Variants in TRPM6 observed in about 807,000 individuals in gnomAD.
TRPM6 encodes transient receptor potential cation channel subfamily M member 6.
Under a neutral mutation model 247.6 loss-of-function variants are expected in TRPM6, and 111 were observed. That is an observed-to-expected ratio of 0.45 (90% confidence interval 0.38 to 0.52). The LOEUF is 0.52. Ranked by LOEUF, TRPM6 falls within the 20% of genes least tolerant of loss-of-function variation. The pLI, the probability that TRPM6 is intolerant of heterozygous loss-of-function variation, is 0.00. For synonymous variants in TRPM6, 892 were observed against 853.8 expected, an observed-to-expected ratio of 1.04 and a Z score of -0.78; for missense variants, 2,126 against 2,421.5, an observed-to-expected ratio of 0.88 and a Z score of 2.56.
intron 1 of TRPM6, among the ~76,000 whole-genome samples, chr9:74,859,898 C>T (rs1434621147): frequency 6.6e-6 from 1 of 152,162 alleles, no homozygotes; most frequent in African/African-American, 2.4e-5. Flanking sequence ...CAGTCCCCAC[C>T]TCACTCATAT....
rs765480956 is a variant in TRPM6, at chr9:74,816,979, A to G, written c.1135-15T>C. ...AATATGGTAATCTACAACAGTGAAA[A>G]ACAGAGAGCCATACATTTGGGGAAC... On this transcript the variant is annotated splice_polypyrimidine_tract_variant and intron_variant, in intron 9 of 38. Transcript: ENST00000360774. The G allele has an allele frequency of 3.1e-6, 5 of 1,610,460 alleles. No homozygotes were observed. The South Asian group carries it at 4.4e-5, about 14-fold the overall frequency.
chr9:74,885,229 A>T lies in TRPM6; in HGVS notation c.33+2595T>A, dbSNP rs754154622. On this transcript the variant is annotated intron_variant, in intron 1 of 38. Coordinates refer to ENST00000360774, the MANE Select transcript of TRPM6 (RefSeq NM_017662.5). ...CTAAATATTGACCTAACCAAAAATT[A>T]TGAGATAACTATATTCAGAGGATCT... Among the ~76,000 whole-genome samples the T allele has an allele frequency of 7.2e-5, 11 of 152,360 alleles. No individual in the cohort carries two copies. In the South Asian group the frequency reaches 1.5e-3, roughly 20 times the overall value.
At chr9:74,887,301 C>A in intron 1 of TRPM6, 4 of 1,370,844 alleles carry the variant, frequency 2.9e-6, no homozygotes, top group Non-Finnish European at 3.8e-6. Context: ...CGCGCAGGGG[C>A]GCGGAGGGAC....
In TRPM6 at chr9:74,884,350, G is replaced by A. The variant is rs534620331; in HGVS notation, c.33+3474C>T. ...TAAAAATACAAAAAATGAGCCGGGC[G>A]TGGTGGCGGGTGCCTGTAGTCCCAG... On this transcript the variant is annotated intron_variant, in intron 1 of 38. Transcript: ENST00000360774. 7.6e-4 allele frequency among the ~76,000 whole-genome samples: 115 copies of A among 151,074 alleles called. 1 individual carries two copies. Among genetic ancestry groups the A allele is most frequent in the African/African-American group, 1.8e-3 (75 of 41,120 alleles).
intron 36 of TRPM6, among the ~76,000 whole-genome samples, chr9:74,735,390 C>T (rs966596928): frequency 6.6e-6 from 1 of 152,104 alleles, no homozygotes; most frequent in Non-Finnish European, 1.5e-5. Flanking sequence ...TCAAGATTGA[C>T]ATTCTGATCC....
Position 74,772,364 on chromosome 9 carries a change from T to C in TRPM6, c.3404-529A>G, listed in dbSNP as rs956484476. ...TGAAAATGACTCATATATAGAATTC[T>C]TTCTCTTCAATATTTTCACAGGTTA... On this transcript the variant is annotated intron_variant, in intron 24 of 38. Coordinates refer to ENST00000360774, the MANE Select transcript of TRPM6 (RefSeq NM_017662.5). Among the ~76,000 whole-genome samples the C allele has an allele frequency of 2.0e-5, 3 of 152,252 alleles. No homozygotes were observed. In the East Asian group the frequency reaches 5.8e-4, roughly 29 times the overall value.
At chr9:74,801,777 TCCATA>T in intron 16 of TRPM6, 116 bp downstream of exon 16, 1 of 1,222,986 alleles carries the variant, frequency 8.2e-7, no homozygotes, top group South Asian at 1.2e-5. Flanking sequence ...AACAGGAGAG[TCCATA>T]AAATGCATGG....
chr9:74,763,189 G>T, intron 25 of TRPM6, 55 bp from the exon 26 acceptor site: 2 of 1,547,130 alleles, frequency 1.3e-6, no homozygotes, highest in Non-Finnish European at 1.8e-6. Flanking sequence ...GTGGGAATTT[G>T]CTCTCTTCCT....
intron 30 of TRPM6, among the ~76,000 whole-genome samples, 183 bp downstream of exon 30, chr9:74,750,481 G>C (rs994642346): frequency 2.0e-5 from 3 of 152,176 alleles, no homozygotes; most frequent in Non-Finnish European, 4.4e-5. Flanking sequence ...GTGAGATCTT[G>C]TTGCCAGAAA....
chr9:74,765,518 G>GT (rs1395163763), intron 25 of TRPM6, among the ~76,000 whole-genome samples: 2 of 152,066 alleles, frequency 1.3e-5, no homozygotes, highest in Admixed American at 6.6e-5. Context: ...AGGAGGTATA[G>GT]TTTCAGTTTC....
At position 74,796,735 on chromosome 9, in the gene TRPM6, A is replaced by C; in HGVS notation, c.2391+6T>G. On this transcript the variant is annotated splice_donor_region_variant and intron_variant, in intron 18 of 38. Coordinates refer to ENST00000360774, the MANE Select transcript of TRPM6 (RefSeq NM_017662.5). ...AAAATTCAGTTCATTATGATTTTGC[A>C]CTAACCACAGAAGCACTTTCTTTGG... 3.1e-6 allele frequency: 5 copies of C among 1,613,960 alleles called. No individual in the cohort carries two copies. The highest frequency in any genetic ancestry group is 4.2e-6 in the Non-Finnish European group (5 of 1,179,840).
chr9:74,862,790 T>A (rs1830729240), intron 1 of TRPM6, among the ~76,000 whole-genome samples: 1 of 152,074 alleles, frequency 6.6e-6, no homozygotes, highest in Admixed American at 6.5e-5. Flanking sequence ...GAGACCAGCC[T>A]GGACAACATG....
chr9:74,785,592 G>C (rs150838214), intron 21 of TRPM6, among the ~76,000 whole-genome samples: 1 of 151,910 alleles, frequency 6.6e-6, no homozygotes, highest in Non-Finnish European at 1.5e-5. Flanking sequence ...GCGCAATCTC[G>C]GCTCACTGCA....
intron 24 of TRPM6, among the ~76,000 whole-genome samples, chr9:74,772,993 G>A (rs1198965000): frequency 1.3e-5 from 2 of 152,114 alleles, no homozygotes; most frequent in Non-Finnish European, 2.9e-5. Context: ...TGGGTGTGGT[G>A]GTCCATGCCT....
At chr9:74,766,421 T>C (rs1372115687) in intron 25 of TRPM6, among the ~76,000 whole-genome samples, 3 of 152,222 alleles carry the variant, frequency 2.0e-5, no homozygotes. Flanking sequence ...ATGGTAATTG[T>C]TTTATTATGG....
intron 5 of TRPM6, 50 bp from the exon 6 acceptor site, chr9:74,834,172 A>C (rs1829639874): frequency 6.2e-7 from 1 of 1,611,302 alleles, no homozygotes; most frequent in African/African-American, 1.3e-5. Flanking sequence ...AATCGTGCAA[A>C]ACAAAGAGAC....
At chr9:74,773,205 A>G (rs1301774466) in intron 24 of TRPM6, among the ~76,000 whole-genome samples, 2 of 152,240 alleles carry the variant, frequency 1.3e-5, no homozygotes, top group African/African-American at 2.4e-5. Context: ...ATCAAAGTGT[A>G]TATTTGTGCT....
intron 20 of TRPM6, among the ~76,000 whole-genome samples, chr9:74,787,486 A>G (rs1827734118): frequency 6.6e-6 from 1 of 152,244 alleles, no homozygotes; most frequent in Non-Finnish European, 1.5e-5. Context: ...AATTCAGATA[A>G]CTATCTGTTT....
At chr9:74,823,912 TTG>T (rs141090980) in intron 7 of TRPM6, among the ~76,000 whole-genome samples, 5,645 of 151,068 alleles carry the variant, frequency 0.037, 347 homozygotes, top group African/African-American at 0.13. Context: ...AAGATGTTGC[TTG>T]TGTGTGTGTG....
Sources: allele counts gnomAD v4.1 joint callset (sites outside exome capture counted in the v4.1 genomes callset), GRCh38; gene constraint gnomAD v4.1.1; transcripts MANE v1.5; gene names NCBI Gene and HGNC (gene_info 2026-07-23, HGNC 2026-07-21).